Variants in ABCA5 observed in about 807,000 individuals in gnomAD.
The protein encoded by ABCA5 is cholesterol transporter ABCA5.
In ABCA5, 163 loss-of-function variants were observed where a neutral mutation model predicts 206.0. The observed-to-expected ratio is 0.79, with a 90% CI of 0.70 to 0.90. The LOEUF is 0.90. ABCA5 is among the 40% of genes least tolerant of loss of function. ABCA5 has a pLI of 0.00. For missense variants in ABCA5, 1,859 were observed against 1,912.9 expected (o/e 0.97, Z 0.53); for synonymous variants, 609 against 613.8 (o/e 0.99, Z 0.11).
intron 17 of ABCA5, among the ~76,000 whole-genome samples, 186 bp downstream of exon 17, chr17:69,285,712 A>G (rs891091337): frequency 6.6e-6 from 1 of 152,120 alleles, no homozygotes; most frequent in African/African-American, 2.4e-5. Flanking sequence ...TGTTTGTAAA[A>G]AAAAAAATTT....
intron 20 of ABCA5, among the ~76,000 whole-genome samples, 172 bp from the exon 21 acceptor site, chr17:69,271,461 T>C (rs932325610): frequency 4.6e-5 from 7 of 152,222 alleles, no homozygotes; most frequent in African/African-American, 1.7e-4. Flanking sequence ...AGTTGTAACA[T>C]TAAACTATTC....
At chr17:69,305,945 C>A (rs183029924) in intron 6 of ABCA5, among the ~76,000 whole-genome samples, 1 of 152,144 alleles carries the variant, frequency 6.6e-6, no homozygotes, top group African/African-American at 2.4e-5. Flanking sequence ...ATGTTATATA[C>A]AATAATTCCA....
At position 69,247,031 on chromosome 17, in the gene ABCA5, T is replaced by C. The variant is rs2074959244; in HGVS notation, c.*506A>G. 1 of 152,166 alleles carries C rather than the reference T, an allele frequency of 6.6e-6. No homozygotes were observed. The highest frequency in any genetic ancestry group is 1.5e-5 in the Non-Finnish European group (1 of 67,990). The allele number at this position is 152,166 out of a possible 1,614,324, so 9.4% of individuals were successfully genotyped here. ...CTCTATATTGAGATTTCCTAGTGCT[T>C]ACACTTCAGCTTTTACGGATGACAA... On this transcript the variant is annotated 3_prime_UTR_variant, in exon 39 of 39. Coordinates refer to ENST00000392676, the MANE Select transcript of ABCA5 (RefSeq NM_172232.4).
chr17:69,284,201 AAAAT>A, intron 17 of ABCA5, 129 bp from the exon 18 acceptor site: 1 of 726,536 alleles, frequency 1.4e-6, no homozygotes, highest in African/African-American at 1.9e-5. Context: ...ACAAAAAATA[AAAAT>A]AAATTAGCTA....
chr17:69,295,721 T>C (rs866540130), intron 10 of ABCA5, among the ~76,000 whole-genome samples: 18 of 152,204 alleles, frequency 1.2e-4, no homozygotes, highest in African/African-American at 4.1e-4. Context: ...TATTTTATGG[T>C]AGCAAATGTT....
chr17:69,264,721 T>A lies in ABCA5; in HGVS notation c.3315+14A>T. On this transcript the variant is annotated intron_variant, in intron 24 of 38. Transcript: ENST00000392676. The stretch of plus-strand genomic sequence containing the variant: ...TATCTATAAATAGCATGAGTACAAC[T>A]AACGTTAACTTACCACAGCAAGGAA... The A allele has an allele frequency of 6.7e-7, 1 of 1,496,482 alleles. No individual in the cohort carries two copies. The allele number at this position is 1,496,482 out of a possible 1,614,324, so 92.7% of individuals were successfully genotyped here. A position where few individuals can be genotyped will look rare whatever the true frequency, so the allele number is the denominator to read the frequency against.
At chr17:69,280,416 A>T (rs1390195920) in intron 18 of ABCA5, among the ~76,000 whole-genome samples, 1 of 150,178 alleles carries the variant, frequency 6.7e-6, no homozygotes, top group Non-Finnish European at 1.5e-5. Context: ...AGAAACAGGA[A>T]CACTTTTACA....
intron 16 of ABCA5, 67 bp from the exon 17 acceptor site, chr17:69,286,104 TTTAAA>T (rs1325106587): frequency 2.1e-5 from 33 of 1,566,556 alleles, no homozygotes; most frequent in Middle Eastern, 1.7e-4. Flanking sequence ...TTATGAAGGC[TTTAAA>T]TTAAATTTAG....
At position 69,263,697 on chromosome 17, in the gene ABCA5, C is replaced by CTTTTTTTTTTTTTTTTTTT. The variant is rs58369537; in HGVS notation, c.3315+1037_3315+1038insAAAAAAAAAAAAAAAAAAA. 5.2e-3 allele frequency among the ~76,000 whole-genome samples: 537 copies of CTTTTTTTTTTTTTTTTTTT among 103,590 alleles called. 15 individuals carry two copies. Among genetic ancestry groups the CTTTTTTTTTTTTTTTTTTT allele is most frequent in the Non-Finnish European group, 7.6e-3 (427 of 56,434 alleles). The allele number at this position is 103,590 out of a possible 152,430, so 68.0% of individuals were successfully genotyped here. A position where few individuals can be genotyped will look rare whatever the true frequency, so the allele number is the denominator to read the frequency against. ...GGCTTTGTTCTTTTTACATGGATTCCTTTTTTTTTTTTTTTTTGATAAAAA... is the reference window on the plus strand; with the variant it reads ...GGCTTTGTTCTTTTTACATGGATTCCTTTTTTTTTTTTTTTTTTTTTTTTTTTTTTTTTTTTGATAAAAA... On this transcript the variant is annotated intron_variant, in intron 24 of 38. Transcript: ENST00000392676.
In ABCA5 at chr17:69,302,910, T is replaced by C. The variant is rs776002878; in HGVS notation, c.931-4A>G. On this transcript the variant is annotated splice_polypyrimidine_tract_variant and splice_region_variant and intron_variant, in intron 7 of 38. Coordinates refer to ENST00000392676, the MANE Select transcript of ABCA5 (RefSeq NM_172232.4). ...TCAGCATTAAAGCAAAAAATACCTA[T>C]AAAATACAAATATTAAGGTTAGTGC... is the stretch of plus-strand genomic sequence containing the variant. 9 of 1,454,594 alleles carry C rather than the reference T, an allele frequency of 6.2e-6. No homozygotes were observed. Among genetic ancestry groups the C allele is most frequent in the South Asian group, 2.8e-5 (2 of 70,342 alleles). The allele number at this position is 1,454,594 out of a possible 1,614,324, so 90.1% of individuals were successfully genotyped here. A position where few individuals can be genotyped will look rare whatever the true frequency, so the allele number is the denominator to read the frequency against.
intron 1 of ABCA5, among the ~76,000 whole-genome samples, chr17:69,318,460 A>G (rs776815585): frequency 3.3e-5 from 5 of 152,194 alleles, no homozygotes; most frequent in Non-Finnish European, 7.3e-5. Flanking sequence ...GGCTTAAATG[A>G]GCATCTTCTT....
rs139096664 is a variant in ABCA5 at position 69,264,776 on chromosome 17, G to T, written c.3274C>A (p.His1092Asn). 38 of 1,588,012 alleles carry T rather than the reference G, an allele frequency of 2.4e-5. No individual in the cohort carries two copies. In the African/African-American group the frequency reaches 4.6e-4, roughly 19 times the overall value. ...ILMLGSLLAF[H>N]YGLYFYTVKF... is the part of the protein sequence containing the mutation. Reference sequence around the variant, plus strand: ...ACAGTATAAAAATATAATCCATAATGAAATGCCAATAAGCTTCCTAGCATC... The same window carrying T: ...ACAGTATAAAAATATAATCCATAATTAAATGCCAATAAGCTTCCTAGCATC... Residue 1092 changes from histidine (H) to asparagine (N), a missense_variant, in exon 24 of 39, where the codon CAT becomes AAT. Transcript: ENST00000392676.
chr17:69,269,882 A>G (rs1049503055), intron 22 of ABCA5, among the ~76,000 whole-genome samples: 2 of 152,194 alleles, frequency 1.3e-5, no homozygotes, highest in Admixed American at 1.3e-4. Flanking sequence ...ATAGAAACAG[A>G]AAGTACATTA....
intron 2 of ABCA5, among the ~76,000 whole-genome samples, chr17:69,313,961 C>T (rs960517092): frequency 1.3e-5 from 2 of 152,078 alleles, no homozygotes; most frequent in African/African-American, 4.8e-5. Flanking sequence ...ATGGGCAACT[C>T]AATCTAGAGT....
chr17:69,299,080 T>C (rs967339435), intron 9 of ABCA5, among the ~76,000 whole-genome samples: 2 of 152,170 alleles, frequency 1.3e-5, no homozygotes, highest in East Asian at 1.9e-4. Context: ...ACATCACTAA[T>C]GATCAGGGAA....
At chr17:69,310,858 G>A (rs1342799611) in intron 3 of ABCA5, among the ~76,000 whole-genome samples, 2 of 152,168 alleles carry the variant, frequency 1.3e-5, no homozygotes, top group African/African-American at 4.8e-5. Flanking sequence ...ATGACACTGG[G>A]TTGTTGTGAA....
intron 23 of ABCA5, among the ~76,000 whole-genome samples, chr17:69,266,114 A>G (rs895516336): frequency 3.9e-5 from 6 of 152,200 alleles, no homozygotes; most frequent in African/African-American, 1.4e-4. Flanking sequence ...GATTATTGAT[A>G]AATACAAATA....
chr17:69,311,971 A>G (rs996598199), intron 3 of ABCA5, among the ~76,000 whole-genome samples: 1 of 152,218 alleles, frequency 6.6e-6, no homozygotes, highest in African/African-American at 2.4e-5. Flanking sequence ...AATATTAAAT[A>G]GAAATAGCCA....
intron 17 of ABCA5, 91 bp from the exon 18 acceptor site, chr17:69,284,163 C>A: frequency 9.2e-7 from 1 of 1,092,748 alleles, no homozygotes; most frequent in Non-Finnish European, 1.2e-6. Context: ...TCATGAACAG[C>A]CTGTGAAACA....
Sources: gnomAD v4.1 joint callset for allele counts (sites outside exome capture counted in the v4.1 genomes callset) on GRCh38, gnomAD v4.1.1 for gene constraint, MANE v1.5 for transcripts, NCBI Gene and HGNC (gene_info 2026-07-23, HGNC 2026-07-21) for gene names.